Variants in PCDH11X observed in about 807,000 individuals in gnomAD.
PCDH11X encodes protocadherin-11 X-linked.
PCDH11X carries 18 observed loss-of-function variants against 53.3 expected under a neutral mutation model. The observed-to-expected ratio is 0.34, with a 90% CI of 0.23 to 0.50. PCDH11X has a LOEUF of 0.50. PCDH11X is among the 20% of genes least tolerant of loss of function. The pLI, the probability that PCDH11X is intolerant of heterozygous loss-of-function variation, is 0.98. For missense variants in PCDH11X, 570 were observed against 1,032.4 expected (o/e 0.55, Z 6.14); for synonymous variants, 279 against 393.3 (o/e 0.71, Z 3.44).
rs1317287374 is a variant in PCDH11X, at chrX:92,144,125, C to A, written c.3034-57250C>A. Among the ~76,000 whole-genome samples, 5 of 111,204 alleles carry A rather than the reference C, an allele frequency of 4.5e-5. No homozygotes were observed. In the East Asian group the frequency reaches 1.4e-3, roughly 31 times the overall value. ...AACCCCCATTGTATCTAGGAAGTAA[C>A]CAGCTTTTGATTATATAGGCTCATA... On this transcript the variant is annotated intron_variant, in intron 6 of 10. Transcript: ENST00000682573.
chrX:92,564,428 C>G (rs1921218584), intron 10 of PCDH11X, among the ~76,000 whole-genome samples: 1 of 101,967 alleles, frequency 9.8e-6, no homozygotes, highest in Non-Finnish European at 2.0e-5. Context: ...ACACATAGAC[C>G]AAGGGAACAG....
intron 6 of PCDH11X, among the ~76,000 whole-genome samples, chrX:92,148,114 CTTTCTTTCTTTCTTTCTTTT>C (rs2065348675): frequency 7.3e-5 from 1 of 13,721 alleles, no homozygotes; most frequent in Non-Finnish European, 1.2e-4. Context: ...TTCTTTCTTT[CTTTCTTTCTTTCTTTCTTTT>C]TCCTTCCTTC....
chrX:92,608,093 A>G (rs1008855330), intron 10 of PCDH11X, among the ~76,000 whole-genome samples: 6 of 109,648 alleles, frequency 5.5e-5, no homozygotes, highest in African/African-American at 1.7e-4. Flanking sequence ...CAGTCACTGG[A>G]CTCTATAACA....
intron 6 of PCDH11X, among the ~76,000 whole-genome samples, chrX:92,143,137 G>C (rs2065215381): frequency 9.0e-6 from 1 of 111,353 alleles, no homozygotes; most frequent in Non-Finnish European, 1.9e-5. Context: ...AAAGTAGCTA[G>C]ATGTGGTGGC....
chrX:91,803,544 G>A (rs1157770368), intron 1 of PCDH11X, among the ~76,000 whole-genome samples: 4 of 111,056 alleles, frequency 3.6e-5, no homozygotes, highest in Non-Finnish European at 7.6e-5. Flanking sequence ...TTAAGCTTTC[G>A]ACTCATATAA....
At chrX:92,375,918 G>A (rs764094781) in intron 8 of PCDH11X, among the ~76,000 whole-genome samples, 30 of 111,738 alleles carry the variant, frequency 2.7e-4, no homozygotes, top group African/African-American at 9.1e-4. Flanking sequence ...CACCGTGCCT[G>A]GCCTTGTTTT....
At chrX:91,799,941 C>A (rs1249239324) in intron 1 of PCDH11X, among the ~76,000 whole-genome samples, 1 of 111,408 alleles carries the variant, frequency 9.0e-6, no homozygotes, top group Non-Finnish European at 1.9e-5. Context: ...ATACAAAAAT[C>A]ATCCGGGCGA....
intron 1 of PCDH11X, among the ~76,000 whole-genome samples, chrX:91,788,509 A>C (rs1382747330): frequency 1.8e-5 from 2 of 111,927 alleles, no homozygotes; most frequent in African/African-American, 6.5e-5. Context: ...ATGCATATTT[A>C]CTCTAAATAG....
At chrX:91,930,176 T>C (rs765797214) in intron 6 of PCDH11X, among the ~76,000 whole-genome samples, 44 of 108,221 alleles carry the variant, frequency 4.1e-4, no homozygotes, top group African/African-American at 1.4e-3. Flanking sequence ...TGTCCATAGA[T>C]AGTTCTAAAA....
chrX:92,394,425 T>C (rs1256530411), intron 9 of PCDH11X, among the ~76,000 whole-genome samples: 1 of 110,981 alleles, frequency 9.0e-6, no homozygotes, highest in Non-Finnish European at 1.9e-5. Flanking sequence ...GTCTGGAATG[T>C]CAATAAGCTT....
rs1325328180 is a variant in PCDH11X, at chrX:92,452,019, T to C, written c.3344-16280T>C. Among the ~76,000 whole-genome samples the C allele has an allele frequency of 3.7e-5, 4 of 108,696 alleles. No individual in the cohort carries two copies. The Admixed American group carries it at 4.0e-4, about 11-fold the overall frequency. 94.4% of individuals were successfully genotyped at this position (108,696 alleles called of 115,157 possible). ...AAGGACTGTGAAGTTATATTTTAGT[T>C]CACATAAATGTGTGAATTCTATTGT... On this transcript the variant is annotated intron_variant, in intron 9 of 10. Coordinates refer to ENST00000682573, the MANE Select transcript of PCDH11X (RefSeq NM_032968.5).
intron 10 of PCDH11X, among the ~76,000 whole-genome samples, chrX:92,489,514 G>T (rs1603344523): frequency 1.8e-5 from 2 of 109,193 alleles, no homozygotes; most frequent in East Asian, 2.9e-4. Context: ...TTCTTCTTGG[G>T]CAGAGCCAAG....
intron 6 of PCDH11X, among the ~76,000 whole-genome samples, chrX:92,156,833 G>T (rs2065545129): frequency 9.0e-6 from 1 of 111,700 alleles, no homozygotes; most frequent in Non-Finnish European, 1.9e-5. Flanking sequence ...CACATACAAA[G>T]AATCACTTCA....
Position 92,029,989 on chromosome X carries a change from A to G in PCDH11X, c.3033+150716A>G, listed in dbSNP as rs1199736233. ...TATATTTCAATTTTTTTTGAGATGGAGTCTTGCTCTGTGGCCAGGCTAGAG... is the reference window on the plus strand; with the variant it reads ...TATATTTCAATTTTTTTTGAGATGGGGTCTTGCTCTGTGGCCAGGCTAGAG... On this transcript the variant is annotated intron_variant, in intron 6 of 10. Coordinates refer to ENST00000682573, the MANE Select transcript of PCDH11X (RefSeq NM_032968.5). Among the ~76,000 whole-genome samples the G allele has an allele frequency of 2.9e-4, 33 of 112,146 alleles. No homozygotes were observed. The Admixed American group carries it at 3.1e-3, about 11-fold the overall frequency.
intron 6 of PCDH11X, among the ~76,000 whole-genome samples, chrX:91,908,795 A>G (rs1197190487): frequency 1.3e-5 from 1 of 78,360 alleles, no homozygotes; most frequent in Admixed American, 1.8e-4. Context: ...ACAGAGTGAG[A>G]CTCTGTCTCA....
chrX:92,385,029 G>T (rs1444213640), intron 8 of PCDH11X, among the ~76,000 whole-genome samples: 2 of 101,406 alleles, frequency 2.0e-5, no homozygotes, highest in African/African-American at 7.2e-5. Context: ...GAGTTGGCTA[G>T]GTTAGATACC....
At position 91,997,785 on chromosome X, in the gene PCDH11X, A is replaced by G. The variant is rs1341765965; in HGVS notation, c.3033+118512A>G. Among the ~76,000 whole-genome samples, 5 of 111,022 alleles carry G rather than the reference A, an allele frequency of 4.5e-5. No individual in the cohort carries two copies. In the Admixed American group the frequency reaches 4.8e-4, roughly 11 times the overall value. On this transcript the variant is annotated intron_variant, in intron 6 of 10. Coordinates refer to ENST00000682573, the MANE Select transcript of PCDH11X (RefSeq NM_032968.5). The stretch of plus-strand genomic sequence containing the variant: ...CAGTTTTTAAAAGAGTTTGTGAGGG[A>G]TTGCTTATATTGTAATTTTGCTTTA...
At chrX:92,350,963 T>C (rs2070030940) in intron 8 of PCDH11X, among the ~76,000 whole-genome samples, 1 of 112,160 alleles carries the variant, frequency 8.9e-6, no homozygotes, top group Non-Finnish European at 1.9e-5. Flanking sequence ...AAAATTGGCA[T>C]CTTCCTCTAG....
At chrX:92,376,549 G>A (rs1291328818) in intron 8 of PCDH11X, among the ~76,000 whole-genome samples, 2 of 111,393 alleles carry the variant, frequency 1.8e-5, no homozygotes, top group African/African-American at 3.3e-5. Flanking sequence ...AATTCTTTGT[G>A]CCATATGTCT....
Sources: gnomAD v4.1 joint callset for allele counts (sites outside exome capture counted in the v4.1 genomes callset) on GRCh38, gnomAD v4.1.1 for gene constraint, MANE v1.5 for transcripts, NCBI Gene and HGNC (gene_info 2026-07-23, HGNC 2026-07-21) for gene names.